The following CD109 variants were observed in gnomAD, a reference collection of about 807,000 sequenced individuals.
CD109 encodes CD109 molecule.
CD109 carries 149 observed loss-of-function variants against 165.8 expected under a neutral mutation model. The observed-to-expected ratio is 0.90, with a 90% confidence interval of 0.79 to 1.03. CD109 has a LOEUF of 1.03. CD109 is among the 50% of genes least tolerant of loss of function. The pLI is 0.00. For missense variants in CD109, 1,712 were observed against 1,677.8 expected, an observed-to-expected ratio of 1.02 and a Z score of -0.36; for synonymous variants, 585 against 592.1, an observed-to-expected ratio of 0.99 and a Z score of 0.18.
intron 4 of CD109, among the ~76,000 whole-genome samples, chr6:73,735,655 A>G (rs1351393295): frequency 6.6e-6 from 1 of 152,172 alleles, no homozygotes; most frequent in East Asian, 1.9e-4. Context: ...CCGTGATTAA[A>G]CATCTCTCTA....
intron 23 of CD109, among the ~76,000 whole-genome samples, chr6:73,802,989 T>G (rs1775424264): frequency 6.6e-6 from 1 of 152,114 alleles, no homozygotes; most frequent in African/African-American, 2.4e-5. Flanking sequence ...TGTGAGCCAC[T>G]GCACCCGGCT....
At chr6:73,740,455 T>C (rs144799023) in intron 5 of CD109, among the ~76,000 whole-genome samples, 63 of 152,300 alleles carry the variant, frequency 4.1e-4, no homozygotes, top group African/African-American at 1.4e-3. Context: ...AATAAGTCCT[T>C]TATGATACCG....
rs767347688 is a variant in CD109 at position 73,697,504 on chromosome 6, C to T, written c.179C>T (p.Ala60Val). Residue 60 changes from alanine (A) to valine (V), a missense_variant, in exon 2 of 33, where the codon GCG becomes GTG. By Grantham distance (64) the Ala-to-Val change is moderately conservative. Transcript: ENST00000287097. The stretch of plus-strand genomic sequence containing the variant: ...TGCCCTTCACAGGTGACTGTGAAGG[C>T]GGAGCTGCTCAAGACAGCATCAAAC... ...EHCPSQVTVK[A>V]ELLKTASNLT... The T allele has an allele frequency of 6.8e-6, 11 of 1,613,820 alleles. No homozygotes were observed. Among genetic ancestry groups the T allele is most frequent in the South Asian group, 3.3e-5 (3 of 91,072 alleles).
chr6:73,799,888 C>T (rs1354324597), intron 23 of CD109, among the ~76,000 whole-genome samples: 18 of 143,284 alleles, frequency 1.3e-4, no homozygotes, highest in Non-Finnish European at 2.3e-4. Flanking sequence ...GACAGGGTGT[C>T]TCCCTTTGCC....
chr6:73,689,639 C>A, the CD109 span, among the ~76,000 whole-genome samples: 1 of 149,136 alleles, frequency 6.7e-6, no homozygotes, highest in Non-Finnish European at 1.5e-5. Flanking sequence ...TTTTTTTTTA[C>A]TTTATAAGGC....
intron 28 of CD109, 34 bp from the exon 29 acceptor site, chr6:73,812,171 T>C (rs538559535): frequency 6.9e-7 from 1 of 1,455,816 alleles, no homozygotes; most frequent in African/African-American, 1.4e-5. Flanking sequence ...ATATGGAAAA[T>C]TAGCCTCATT....
chr6:73,770,818 C>T (rs1231820532), intron 14 of CD109, among the ~76,000 whole-genome samples: 2 of 152,186 alleles, frequency 1.3e-5, no homozygotes, highest in African/African-American at 2.4e-5. Context: ...AGCGGTGATG[C>T]GATGACTGAT....
chr6:73,704,134 T>C (rs147952143), intron 2 of CD109, among the ~76,000 whole-genome samples: 204 of 149,638 alleles, frequency 1.4e-3, no homozygotes, highest in African/African-American at 4.7e-3. Flanking sequence ...GCAGTGAGAT[T>C]GTACCAGTGC....
At position 73,828,226 on chromosome 6, in the gene CD109, TTGTAA is replaced by T. The variant is rs1321589574; in HGVS notation, c.*4597_*4601del. The stretch of plus-strand genomic sequence containing the variant: ...ATTCTGAAAGTTTTAATTTTTAATG[TTGTAA>T]TGTTATGTTATTGTTAATTGTACTT... On this transcript the variant is annotated 3_prime_UTR_variant, in exon 33 of 33. Transcript: ENST00000287097. 3 of 154,718 alleles carry T rather than the reference TTGTAA, an allele frequency of 1.9e-5. No homozygotes were observed. The highest frequency in any genetic ancestry group is 4.8e-5 in the African/African-American group (2 of 41,532). 9.6% of individuals were successfully genotyped at this position (154,718 alleles called of 1,614,324 possible). A position where few individuals can be genotyped will look rare whatever the true frequency, so the allele number is the denominator to read the frequency against.
At chr6:73,680,429 C>G in the CD109 span, among the ~76,000 whole-genome samples, 1 of 152,068 alleles carries the variant, frequency 6.6e-6, no homozygotes, top group Non-Finnish European at 1.5e-5. Context: ...GCCCCTAAGC[C>G]AAGACAGCTT....
chr6:73,766,009 G>A lies in CD109; in HGVS notation c.1187G>A (p.Arg396Lys). ...RNNVVITVTQ[R>K]NYTEYWSGSN... ...AATGTAGTCATAACAGTGACACAGA[G>A]AAACTATACTGAGTACTGGAGCGGA... is the stretch of plus-strand genomic sequence containing the variant. The change falls in exon 11 of 33, where the codon AGA becomes AAA. Residue 396 changes from arginine (R) to lysine (K), a missense_variant. Arg to Lys is a conservative substitution (Grantham distance 26). Coordinates refer to ENST00000287097, the MANE Select transcript of CD109 (RefSeq NM_133493.5). 1 of 1,614,084 alleles carries A rather than the reference G, an allele frequency of 6.2e-7. No homozygotes were observed.
intron 6 of CD109, among the ~76,000 whole-genome samples, chr6:73,758,275 A>T (rs1773474838): frequency 6.6e-6 from 1 of 152,136 alleles, no homozygotes; most frequent in African/African-American, 2.4e-5. Flanking sequence ...TTGGTCAGAG[A>T]ACTATAGAAA....
rs779025580 is a variant in CD109, at chr6:73,823,517, A to G, written c.4222A>G (p.Ser1408Gly). The change falls in exon 33 of 33, where the codon AGT (serine) becomes GGT (glycine). Residue 1408 changes from serine to glycine, a missense_variant. Ser to Gly is a moderately conservative substitution (Grantham distance 56). Transcript: ENST00000287097. ...EVKLSSCDLC[S>G]DVQGCRPCED... ...GAAGCTGTCCTCCTGTGACCTTTGC[A>G]GTGATGTCCAGGGCTGCCGTCCTTG... The G allele has an allele frequency of 1.9e-6, 3 of 1,613,938 alleles. No individual in the cohort carries two copies. Among genetic ancestry groups the G allele is most frequent in the Non-Finnish European group, 2.5e-6 (3 of 1,179,960 alleles).
At position 73,823,665 on chromosome 6, in the gene CD109, C is replaced by T; in HGVS notation, c.*32C>T. The T allele has an allele frequency of 1.3e-6, 2 of 1,548,192 alleles. No individual in the cohort carries two copies. Among genetic ancestry groups the T allele is most frequent in the Non-Finnish European group, 8.8e-7 (1 of 1,131,652 alleles). On this transcript the variant is annotated 3_prime_UTR_variant, in exon 33 of 33. Coordinates refer to ENST00000287097, the MANE Select transcript of CD109 (RefSeq NM_133493.5). ...TTTAAAGGACTCTGTGTAACACTAA[C>T]ATTTCCAGTAGTCACATGTGATTGT...
chr6:73,716,664 A>G (rs1771755988), intron 2 of CD109, among the ~76,000 whole-genome samples: 1 of 152,020 alleles, frequency 6.6e-6, no homozygotes, highest in South Asian at 2.1e-4. Context: ...TGAGTTCCTT[A>G]TGTGTTTTGG....
At chr6:73,772,505 CAAAAAAAAAAAAAAA>C (rs1027095366) in intron 15 of CD109, among the ~76,000 whole-genome samples, 1 of 39,570 alleles carries the variant, frequency 2.5e-5, no homozygotes, top group Non-Finnish European at 5.0e-5. Flanking sequence ...GACTCTGTCT[CAAAAAAAAAAAAAAA>C]AAAAAAAAAA....
Position 73,765,521 on chromosome 6 carries a change from G to C in CD109, c.1108-409G>C, listed in dbSNP as rs73460318. ...CTGGAGGTGTTGGGCATGAACTCCA[G>C]AGAAGGGCAAGGATGGGAATTTTGG... On this transcript the variant is annotated intron_variant, in intron 10 of 32. Coordinates refer to ENST00000287097, the MANE Select transcript of CD109 (RefSeq NM_133493.5). 6.2e-3 allele frequency among the ~76,000 whole-genome samples: 943 copies of C among 152,248 alleles called. 15 individuals carry two copies. Among genetic ancestry groups the C allele is most frequent in the African/African-American group, 0.021 (880 of 41,530 alleles).
intron 3 of CD109, among the ~76,000 whole-genome samples, chr6:73,728,270 A>G (rs1370559091): frequency 1.3e-5 from 2 of 152,276 alleles, no homozygotes; most frequent in Non-Finnish European, 2.9e-5. Flanking sequence ...AGATTGGGCC[A>G]CTGCACTCCA....
chr6:73,797,947 T>C lies in CD109; in HGVS notation c.2878+5145T>C, dbSNP rs144790783. ...ACTCAAGAGCCATTCCTAAAATGAT[T>C]AACTTAAAGGTGATACTCTTATTTC... On this transcript the variant is annotated intron_variant, in intron 23 of 32. Coordinates refer to ENST00000287097, the MANE Select transcript of CD109 (RefSeq NM_133493.5). Among the ~76,000 whole-genome samples the C allele has an allele frequency of 5.4e-3, 829 of 152,272 alleles. 8 individuals carry two copies. The highest frequency in any genetic ancestry group is 0.01 in the Admixed American group (157 of 15,304).
Sources: gnomAD v4.1 joint callset for allele counts (sites outside exome capture counted in the v4.1 genomes callset) on GRCh38, gnomAD v4.1.1 for gene constraint, MANE v1.5 for transcripts, NCBI Gene and HGNC (gene_info 2026-07-23, HGNC 2026-07-21) for gene names.